Variants in HDAC9 observed in about 807,000 individuals in gnomAD.
HDAC9 encodes MEF-2 interacting transcription repressor (MITR) protein.
HDAC9 carries 41 observed loss-of-function variants against 139.4 expected under a neutral mutation model. That is an observed-to-expected ratio of 0.29 (90% CI 0.23 to 0.38). The LOEUF (loss-of-function observed/expected upper bound fraction) is 0.38, where lower values mean the gene tolerates loss of function less well. HDAC9 is among the 10% of genes least tolerant of loss of function. The probability of loss-of-function intolerance (pLI) is 1.00; values close to 1 mark genes in which losing one functional copy is unlikely to be tolerated. For missense variants in HDAC9, 1,147 were observed against 1,297.0 expected (o/e 0.88, Z 1.78); for synonymous variants, 517 against 476.2 (o/e 1.09, Z -1.12).
chr7:18,847,104 C>CTT (rs1326791857), intron 21 of HDAC9, among the ~76,000 whole-genome samples: 1 of 152,130 alleles, frequency 6.6e-6, no homozygotes. Context: ...TTATTGCTGA[C>CTT]TTTACTACAC....
At chr7:18,537,278 T>C (rs1811216682) in intron 2 of HDAC9, among the ~76,000 whole-genome samples, 1 of 152,168 alleles carries the variant, frequency 6.6e-6, no homozygotes, top group African/African-American at 2.4e-5. Flanking sequence ...ATATCTGTTA[T>C]CGTTGTTGTT....
At chr7:18,166,818 A>G (rs558763221) in intron 2 of HDAC9, among the ~76,000 whole-genome samples, 1 of 152,334 alleles carries the variant, frequency 6.6e-6, no homozygotes, top group Admixed American at 6.5e-5. Context: ...TAAAACCAGG[A>G]CAAAGCTACA....
chr7:18,921,696 A>C (rs1249825079), intron 22 of HDAC9, among the ~76,000 whole-genome samples: 1 of 152,166 alleles, frequency 6.6e-6, no homozygotes, highest in Admixed American at 6.5e-5. Context: ...TAGAACTAGA[A>C]ATACCATTTG....
At chr7:18,524,688 C>T (rs748633855) in intron 2 of HDAC9, among the ~76,000 whole-genome samples, 1 of 152,042 alleles carries the variant, frequency 6.6e-6, no homozygotes, top group African/African-American at 2.4e-5. Context: ...CTCTGTCTCT[C>T]TTCTAGGGAT....
In HDAC9 at chr7:18,590,359, A is replaced by G. The variant is rs374686753; in HGVS notation, c.288A>G (p.Ile96Met). The G allele has an allele frequency of 1.2e-6, 2 of 1,612,426 alleles. No homozygotes were observed. The highest frequency in any genetic ancestry group is 1.3e-5 in the African/African-American group (1 of 74,878). The change falls in exon 4 of 26, where the codon ATA (isoleucine) becomes ATG (methionine). Residue 96 changes from isoleucine (I) to methionine (M), a missense_variant. Ile to Met is a conservative substitution (Grantham distance 10). Transcript: ENST00000686413. ...AGTTGCAACAGGAACTTCTAGCCAT[A>G]AAACAGCAACAAGAACTCCTAGAAA... ...HIKLQQELLA[I>M]KQQQELLEKE... is the part of the protein sequence containing the mutation.
At chr7:18,669,575 A>C (rs1795539012) in intron 12 of HDAC9, among the ~76,000 whole-genome samples, 1 of 151,876 alleles carries the variant, frequency 6.6e-6, no homozygotes, top group African/African-American at 2.4e-5. Flanking sequence ...TACAGTCACA[A>C]TTCTGGAAAT....
Position 18,267,457 on chromosome 7 carries a change from A to T in HDAC9, c.25+105108A>T, listed in dbSNP as rs561115135. On this transcript the variant is annotated intron_variant, in intron 2 of 12. Coordinates refer to the HDAC9 transcript ENST00000417496. ...AGAGCTCCCCAGTCTCTTCCCCACAACACTGTTATTAGTACCTACCCTTCT... is the reference window on the plus strand; with the variant it reads ...AGAGCTCCCCAGTCTCTTCCCCACATCACTGTTATTAGTACCTACCCTTCT... 2.0e-5 allele frequency among the ~76,000 whole-genome samples: 3 copies of T among 152,114 alleles called. No individual in the cohort carries two copies. The East Asian group carries it at 5.8e-4, about 29-fold the overall frequency.
At chr7:18,830,578 T>C (rs1339697709) in intron 19 of HDAC9, among the ~76,000 whole-genome samples, 1 of 152,008 alleles carries the variant, frequency 6.6e-6, no homozygotes, top group South Asian at 2.1e-4. Context: ...CACCAAAGGG[T>C]TGAGAGAGCA....
chr7:18,577,494 T>A (rs112509600), intron 2 of HDAC9, among the ~76,000 whole-genome samples: 34 of 152,294 alleles, frequency 2.2e-4, no homozygotes, highest in African/African-American at 7.9e-4. Flanking sequence ...ACAAATAACA[T>A]AGGACATTAT....
chr7:18,445,138 A>C (rs908641764), intron 1 of HDAC9, among the ~76,000 whole-genome samples: 1 of 152,190 alleles, frequency 6.6e-6, no homozygotes, highest in African/African-American at 2.4e-5. Context: ...AGCTGCAGAA[A>C]ATTGAATTAC....
intron 6 of HDAC9, among the ~76,000 whole-genome samples, chr7:18,616,284 C>T (rs1198424440): frequency 1.3e-5 from 1 of 79,732 alleles, no homozygotes; most frequent in East Asian, 2.7e-4. Flanking sequence ...GGGCATTATT[C>T]TGCCTACCCC....
intron 2 of HDAC9, among the ~76,000 whole-genome samples, chr7:18,203,275 A>C (rs1164925047): frequency 1.3e-5 from 2 of 152,198 alleles, no homozygotes; most frequent in Non-Finnish European, 2.9e-5. Flanking sequence ...TACGTGAAAT[A>C]TGAGGATTTC....
chr7:18,217,232 T>C (rs1475508555), intron 2 of HDAC9, among the ~76,000 whole-genome samples: 3 of 152,108 alleles, frequency 2.0e-5, no homozygotes, highest in Non-Finnish European at 4.4e-5. Context: ...TTCTTTATAA[T>C]TCTTTTATTC....
intron 22 of HDAC9, among the ~76,000 whole-genome samples, chr7:18,878,227 T>C (rs1799467461): frequency 6.6e-6 from 1 of 152,212 alleles, no homozygotes; most frequent in Non-Finnish European, 1.5e-5. Flanking sequence ...TAAATTCGTT[T>C]TGCCACAACA....
chr7:18,098,707 C>T (rs1236851162), intron 1 of HDAC9, among the ~76,000 whole-genome samples: 1 of 152,138 alleles, frequency 6.6e-6, no homozygotes, highest in Admixed American at 6.5e-5. Context: ...CCCAAAGATG[C>T]ATCTCCTCTT....
chr7:18,657,779 A>G (rs1476426400), intron 11 of HDAC9, among the ~76,000 whole-genome samples: 1 of 152,138 alleles, frequency 6.6e-6, no homozygotes, highest in African/African-American at 2.4e-5. Flanking sequence ...TTCAAATGCA[A>G]ACCAAATCAT....
At chr7:18,714,563 C>T (rs959365335) in intron 12 of HDAC9, among the ~76,000 whole-genome samples, 11 of 152,216 alleles carry the variant, frequency 7.2e-5, no homozygotes, top group African/African-American at 2.4e-4. Flanking sequence ...TGCTCTGTGG[C>T]ATTTACCAGG....
intron 1 of HDAC9, among the ~76,000 whole-genome samples, chr7:18,098,859 G>C (rs1782674560): frequency 6.6e-6 from 1 of 152,132 alleles, no homozygotes. Context: ...ATCCCCGGTT[G>C]AGCTTTTATC....
intron 1 of HDAC9, among the ~76,000 whole-genome samples, chr7:18,402,050 AAATGC>A (rs1787591817): frequency 6.6e-6 from 1 of 152,168 alleles, no homozygotes; most frequent in Non-Finnish European, 1.5e-5. Context: ...TCTATTTTGT[AAATGC>A]CTTCAGTACC....
Sources: gnomAD v4.1 joint callset for allele counts (sites outside exome capture counted in the v4.1 genomes callset) on GRCh38, gnomAD v4.1.1 for gene constraint, MANE v1.5 for transcripts, NCBI Gene and HGNC (gene_info 2026-07-23, HGNC 2026-07-21) for gene names.